Variants in BTBD9 observed in about 807,000 individuals in gnomAD.
The protein encoded by BTBD9 is BTB domain containing 9, also known as BTB/POZ domain-containing protein 9.
BTBD9 carries 49 observed loss-of-function variants against 64.3 expected under a neutral mutation model. The ratio of observed to expected loss-of-function variants is 0.76; its 90% CI spans 0.61 to 0.97. The LOEUF is 0.97. Ranked by LOEUF, BTBD9 falls within the 50% of genes least tolerant of loss-of-function variation. BTBD9 has a pLI of 0.00. For missense variants in BTBD9, 598 were observed against 762.1 expected, an observed-to-expected ratio of 0.78 and a Z score of 2.53; for synonymous variants, 260 against 274.7, an observed-to-expected ratio of 0.95 and a Z score of 0.53.
chr6:38,254,594 A>C (rs1282070364), intron 9 of BTBD9, among the ~76,000 whole-genome samples: 1 of 152,166 alleles, frequency 6.6e-6, no homozygotes, highest in Non-Finnish European at 1.5e-5. Context: ...CCTTGATTGC[A>C]CCACTGCACT....
At chr6:38,281,150 A>C (rs910196121) in intron 8 of BTBD9, among the ~76,000 whole-genome samples, 1 of 152,214 alleles carries the variant, frequency 6.6e-6, no homozygotes, top group East Asian at 1.9e-4. Flanking sequence ...TTAAGTAGGA[A>C]AAAAATGGCA....
intron 6 of BTBD9, among the ~76,000 whole-genome samples, chr6:38,517,379 C>T (rs1773081382): frequency 6.6e-6 from 1 of 152,164 alleles, no homozygotes; most frequent in Non-Finnish European, 1.5e-5. Flanking sequence ...TGTATTGGGA[C>T]ACAAACCTTG....
At chr6:38,231,499 T>G (rs1329533380) in intron 9 of BTBD9, among the ~76,000 whole-genome samples, 1 of 152,218 alleles carries the variant, frequency 6.6e-6, no homozygotes, top group African/African-American at 2.4e-5. Context: ...ATATATAATT[T>G]TGCCCAATAT....
chr6:38,251,098 AT>A (rs1764383627), intron 9 of BTBD9, among the ~76,000 whole-genome samples: 1 of 151,234 alleles, frequency 6.6e-6, no homozygotes, highest in East Asian at 2.0e-4. Context: ...AAAAAAAATA[AT>A]AATAATAATA....
At chr6:38,483,742 G>A (rs1771269671) in intron 6 of BTBD9, among the ~76,000 whole-genome samples, 1 of 152,006 alleles carries the variant, frequency 6.6e-6, no homozygotes, top group Admixed American at 6.6e-5. Context: ...CTTTACTCTT[G>A]CTGTTCCCTA....
intron 6 of BTBD9, among the ~76,000 whole-genome samples, chr6:38,386,887 C>T (rs1766197564): frequency 6.6e-6 from 1 of 152,126 alleles, no homozygotes; most frequent in African/African-American, 2.4e-5. Flanking sequence ...AATCCATCTG[C>T]CCACCCTGGG....
chr6:38,618,125 G>A (rs1260186241), intron 1 of BTBD9, among the ~76,000 whole-genome samples: 2 of 152,150 alleles, frequency 1.3e-5, no homozygotes, highest in African/African-American at 2.4e-5. Flanking sequence ...AACCACGGAC[G>A]GTTTTTCCTT....
intron 6 of BTBD9, among the ~76,000 whole-genome samples, chr6:38,536,443 A>C (rs1050539768): frequency 1.3e-5 from 2 of 152,158 alleles, no homozygotes; most frequent in Admixed American, 6.5e-5. Context: ...CTAAACACAA[A>C]ACTACCATAT....
At chr6:38,322,189 C>T (rs1372623106) in intron 7 of BTBD9, among the ~76,000 whole-genome samples, 2 of 152,036 alleles carry the variant, frequency 1.3e-5, no homozygotes, top group Non-Finnish European at 2.9e-5. Flanking sequence ...GGAGAAGAGA[C>T]AGCCAAGCTA....
intron 1 of BTBD9, among the ~76,000 whole-genome samples, chr6:38,633,014 C>G (rs1052375156): frequency 1.3e-5 from 2 of 152,110 alleles, no homozygotes; most frequent in African/African-American, 4.8e-5. Context: ...TAAAAAATAA[C>G]TGGGGTCAAA....
chr6:38,222,040 T>C (rs1763214968), intron 9 of BTBD9, among the ~76,000 whole-genome samples: 1 of 152,074 alleles, frequency 6.6e-6, no homozygotes, highest in South Asian at 2.1e-4. Flanking sequence ...CTCATTTATC[T>C]TCCAAATATC....
chr6:38,486,429 T>C (rs1771426357), intron 6 of BTBD9, among the ~76,000 whole-genome samples: 2 of 152,214 alleles, frequency 1.3e-5, no homozygotes, highest in African/African-American at 2.4e-5. Context: ...TTTCTAGCTT[T>C]TGATTTAAAG....
intron 7 of BTBD9, among the ~76,000 whole-genome samples, chr6:38,324,558 G>T (rs916698141): frequency 2.0e-5 from 3 of 152,168 alleles, no homozygotes; most frequent in Non-Finnish European, 4.4e-5. Context: ...TATGGCAACA[G>T]GGAGAAGAGG....
chr6:38,189,973 C>T (rs1420564029), intron 10 of BTBD9, among the ~76,000 whole-genome samples: 9 of 135,506 alleles, frequency 6.6e-5, no homozygotes, highest in African/African-American at 8.3e-5. Context: ...CAGGCCCAGC[C>T]TTTTTTTTTT....
rs78352833 is a variant in BTBD9 at position 38,581,410 on chromosome 6, C to A, written c.815-973G>T. 3.0e-3 allele frequency among the ~76,000 whole-genome samples: 458 copies of A among 152,122 alleles called. 4 individuals carry two copies. Among genetic ancestry groups the A allele is most frequent in the African/African-American group, 0.011 (449 of 41,498 alleles). The stretch of plus-strand genomic sequence containing the variant: ...AAACAAGATCGTTTAAAAAAGATAT[C>A]TTTTTTCTGCACTTGAGAATTTTTA... On this transcript the variant is annotated intron_variant, in intron 4 of 10. Coordinates refer to ENST00000481247, the MANE Select transcript of BTBD9 (RefSeq NM_001099272.2).
intron 6 of BTBD9, chr6:38,504,417 A>T: frequency 2.7e-6 from 1 of 372,700 alleles, no homozygotes; most frequent in Non-Finnish European, 5.4e-6. Flanking sequence ...AATTATGGGC[A>T]TCTATAATTT....
chr6:38,208,692 G>A (rs188229135), intron 9 of BTBD9, among the ~76,000 whole-genome samples: 78 of 152,296 alleles, frequency 5.1e-4, no homozygotes, highest in African/African-American at 1.8e-3. Context: ...TGGCACCCCA[G>A]GAGTATGTTC....
At chr6:38,183,465 C>T (rs1028362166) in intron 10 of BTBD9, among the ~76,000 whole-genome samples, 4 of 152,274 alleles carry the variant, frequency 2.6e-5, no homozygotes, top group Middle Eastern at 3.4e-3. Flanking sequence ...GCACCAGTGC[C>T]GAGGCCCCCT....
At position 38,617,203 on chromosome 6, in the gene BTBD9, T is replaced by G. The variant is rs181305262; in HGVS notation, c.-27-19082A>C. Among the ~76,000 whole-genome samples the G allele has an allele frequency of 1.9e-4, 29 of 152,274 alleles. No homozygotes were observed. The East Asian group carries it at 5.0e-3, about 26-fold the overall frequency. On this transcript the variant is annotated intron_variant, in intron 1 of 10. Transcript: ENST00000481247. Reference sequence around the variant, plus strand: ...GCCTGGAACCAGCTTCTGCTTTTCCTGCACTTCCGGGCTGAGCCGAGGGTC... The same window carrying G: ...GCCTGGAACCAGCTTCTGCTTTTCCGGCACTTCCGGGCTGAGCCGAGGGTC...
Sources: gnomAD v4.1 joint callset for allele counts (sites outside exome capture counted in the v4.1 genomes callset) on GRCh38, gnomAD v4.1.1 for gene constraint, MANE v1.5 for transcripts, NCBI Gene and HGNC (gene_info 2026-07-23, HGNC 2026-07-21) for gene names.